The following FAM107B variants were observed in gnomAD, a reference collection of about 807,000 sequenced individuals.
The protein encoded by FAM107B is family with sequence similarity 107 member B, also known as protein FAM107B.
In FAM107B, 21 loss-of-function variants were observed where a neutral mutation model predicts 31.5. The ratio of observed to expected loss-of-function variants is 0.67; its 90% CI spans 0.47 to 0.96. The LOEUF (loss-of-function observed/expected upper bound fraction) is 0.96. FAM107B is among the 40% of genes least tolerant of loss of function. The probability of loss-of-function intolerance (pLI) is 0.00; values close to 1 mark genes in which losing one functional copy is unlikely to be tolerated. For missense variants in FAM107B, 452 were observed against 377.1 expected (o/e 1.20, Z -1.64); for synonymous variants, 157 against 141.5 (o/e 1.11, Z -0.78).
At chr10:14,755,163 G>A (rs1169072782) in intron 1 of FAM107B, among the ~76,000 whole-genome samples, 2 of 152,178 alleles carry the variant, frequency 1.3e-5, no homozygotes, top group African/African-American at 4.8e-5. Flanking sequence ...CACTTCTGTG[G>A]AGTATTTAAC....
intron 2 of FAM107B, among the ~76,000 whole-genome samples, chr10:14,605,505 G>A (rs748072558): frequency 2.0e-5 from 3 of 152,204 alleles, no homozygotes; most frequent in Non-Finnish European, 2.9e-5. Context: ...TTGGGTCATA[G>A]TCATACTGAA....
At chr10:14,576,351 A>AC (rs1564582450) in intron 2 of FAM107B, among the ~76,000 whole-genome samples, 1 of 152,118 alleles carries the variant, frequency 6.6e-6, no homozygotes, top group Non-Finnish European at 1.5e-5. Flanking sequence ...ACATGGTGAA[A>AC]CCCCGTCTCT....
At chr10:14,736,432 A>C (rs1473001181) in intron 1 of FAM107B, among the ~76,000 whole-genome samples, 1 of 152,204 alleles carries the variant, frequency 6.6e-6, no homozygotes, top group African/African-American at 2.4e-5. Flanking sequence ...AATCTAAGGG[A>C]CAAGCCAAAC....
At position 14,703,640 on chromosome 10, in the gene FAM107B, C is replaced by T. The variant is rs1588716752; in HGVS notation, c.412-35949G>A. Among the ~76,000 whole-genome samples the T allele has an allele frequency of 1.3e-5, 2 of 152,202 alleles. 1 individual carries two copies. Among genetic ancestry groups the T allele is most frequent in the East Asian group, 3.9e-4 (2 of 5,180 alleles). On this transcript the variant is annotated intron_variant, in intron 1 of 4. Transcript: ENST00000181796. Reference sequence around the variant, plus strand: ...GTGAGCCACTGCGCCCAGCCCAGGTCTTCTTAAGTTTGAAAAACACACAAA... The same window carrying T: ...GTGAGCCACTGCGCCCAGCCCAGGTTTTCTTAAGTTTGAAAAACACACAAA...
chr10:14,550,982 T>C (rs934159802), intron 2 of FAM107B, among the ~76,000 whole-genome samples: 6 of 152,198 alleles, frequency 3.9e-5, no homozygotes, highest in African/African-American at 1.4e-4. Context: ...AGCTAACTAC[T>C]TCCTTTATGC....
chr10:14,568,627 T>G (rs61842691), intron 2 of FAM107B, among the ~76,000 whole-genome samples: 1 of 86,420 alleles, frequency 1.2e-5, no homozygotes, highest in East Asian at 3.7e-4. Flanking sequence ...AGGAGGAGGG[T>G]GGCTGATCTC....
chr10:14,637,082 G>T (rs1853518324), intron 2 of FAM107B, among the ~76,000 whole-genome samples: 1 of 152,108 alleles, frequency 6.6e-6, no homozygotes. Context: ...TCTCAGGGGA[G>T]ACTTTGTTCC....
chr10:14,618,596 G>A (rs537419309), intron 2 of FAM107B, among the ~76,000 whole-genome samples: 110 of 151,830 alleles, frequency 7.2e-4, no homozygotes, highest in Middle Eastern at 3.4e-3. Context: ...CAGCACTTTG[G>A]GAGGCCAAGG....
At chr10:14,750,791 T>A (rs181505260) in intron 1 of FAM107B, among the ~76,000 whole-genome samples, 172 of 151,980 alleles carry the variant, frequency 1.1e-3, no homozygotes, top group African/African-American at 3.8e-3. Context: ...TACAAAAAAA[T>A]TTTAAAAATT....
intron 2 of FAM107B, among the ~76,000 whole-genome samples, chr10:14,633,657 G>A (rs1030832757): frequency 6.6e-6 from 1 of 151,978 alleles, no homozygotes; most frequent in African/African-American, 2.4e-5. Flanking sequence ...ATATTCAGTA[G>A]GGGTCTAACA....
intron 1 of FAM107B, among the ~76,000 whole-genome samples, chr10:14,696,168 G>A (rs2131516102): frequency 6.6e-6 from 1 of 152,312 alleles, no homozygotes; most frequent in African/African-American, 2.4e-5. Flanking sequence ...TACCTAAACT[G>A]TTCAGAGTTT....
At chr10:14,681,716 G>T (rs1854840494) in intron 1 of FAM107B, among the ~76,000 whole-genome samples, 1 of 152,156 alleles carries the variant, frequency 6.6e-6, no homozygotes, top group Non-Finnish European at 1.5e-5. Flanking sequence ...GAATGGGGAA[G>T]TCAGAGCTCC....
intron 1 of FAM107B, among the ~76,000 whole-genome samples, chr10:14,760,231 T>C (rs1337776174): frequency 6.6e-6 from 1 of 152,178 alleles, no homozygotes; most frequent in Non-Finnish European, 1.5e-5. Flanking sequence ...GAGGGAATGG[T>C]TTCCTTTTGG....
At chr10:14,648,968 A>T (rs1853833405) in intron 2 of FAM107B, among the ~76,000 whole-genome samples, 1 of 152,232 alleles carries the variant, frequency 6.6e-6, no homozygotes, top group Admixed American at 6.5e-5. Flanking sequence ...AATAATGGTA[A>T]CACAATGGCA....
chr10:14,535,493 G>A (rs1200410539), intron 2 of FAM107B, among the ~76,000 whole-genome samples: 2 of 152,180 alleles, frequency 1.3e-5, no homozygotes, highest in South Asian at 2.1e-4. Flanking sequence ...CTTCAAAACT[G>A]TAACTTCAGT....
At chr10:14,706,316 T>A (rs1383644821) in intron 1 of FAM107B, among the ~76,000 whole-genome samples, 2 of 152,078 alleles carry the variant, frequency 1.3e-5, no homozygotes, top group African/African-American at 2.4e-5. Context: ...GTTTTTTTTT[T>A]AAGACAGCTA....
chr10:14,720,803 G>A (rs1855892977), intron 1 of FAM107B, among the ~76,000 whole-genome samples: 1 of 151,762 alleles, frequency 6.6e-6, no homozygotes, highest in Non-Finnish European at 1.5e-5. Context: ...TCCCCTCCCT[G>A]TAGAATATCT....
intron 1 of FAM107B, among the ~76,000 whole-genome samples, chr10:14,769,665 C>T (rs1241821042): frequency 6.6e-6 from 1 of 152,122 alleles, no homozygotes; most frequent in Non-Finnish European, 1.5e-5. Flanking sequence ...GGATTACAGG[C>T]GTGAGCCACC....
At chr10:14,767,055 T>TATATATATATATATAGAG (rs1440609298) in intron 1 of FAM107B, among the ~76,000 whole-genome samples, 4 of 18,280 alleles carry the variant, frequency 2.2e-4, no homozygotes, top group Non-Finnish European at 3.4e-4. Flanking sequence ...TATATATATA[T>TATATATATATATATAGAG]AGAGAGAGAG....
Sources: gnomAD v4.1 joint callset for allele counts (sites outside exome capture counted in the v4.1 genomes callset) on GRCh38, gnomAD v4.1.1 for gene constraint, MANE v1.5 for transcripts, NCBI Gene and HGNC (gene_info 2026-07-23, HGNC 2026-07-21) for gene names.